FER: variants seen among roughly 807,000 people sequenced by gnomAD.
FER encodes FER tyrosine kinase.
In FER, 63 loss-of-function variants were observed where a neutral mutation model predicts 111.0. The ratio of observed to expected loss-of-function variants is 0.57; its 90% CI spans 0.46 to 0.70. The LOEUF (loss-of-function observed/expected upper bound fraction) is 0.70, where lower values mean the gene tolerates loss of function less well. Among genes scored for constraint, FER ranks in the 30% least tolerant of loss-of-function variants. The pLI is 0.00. For synonymous variants in FER, 327 were observed against 313.9 expected (o/e 1.04, Z -0.44); for missense variants, 914 against 954.0 (o/e 0.96, Z 0.55).
chr5:109,129,630 A>G (rs1752137542), intron 17 of FER, among the ~76,000 whole-genome samples: 1 of 152,082 alleles, frequency 6.6e-6, no homozygotes, highest in African/African-American at 2.4e-5. Flanking sequence ...TACAAAACAA[A>G]ATAAAACAAA....
chr5:108,893,002 G>T (rs1359322704), intron 9 of FER, among the ~76,000 whole-genome samples: 1 of 152,050 alleles, frequency 6.6e-6, no homozygotes, highest in African/African-American at 2.4e-5. Flanking sequence ...ATTTCTGAGG[G>T]CTCTGTTCTG....
intron 14 of FER, among the ~76,000 whole-genome samples, chr5:109,043,843 C>T (rs888248770): frequency 1.3e-5 from 2 of 151,720 alleles, no homozygotes; most frequent in East Asian, 2.0e-4. Flanking sequence ...TGGTGGTGTG[C>T]GCCTGTAGTC....
chr5:109,124,612 T>TTGG (rs1048165343), intron 17 of FER, among the ~76,000 whole-genome samples: 8 of 152,156 alleles, frequency 5.3e-5, no homozygotes, highest in African/African-American at 1.9e-4. Context: ...GTTGTTGTTG[T>TTGG]TGTTGTTGTT....
chr5:109,023,905 G>T (rs1486171951), intron 13 of FER, among the ~76,000 whole-genome samples: 1 of 152,090 alleles, frequency 6.6e-6, no homozygotes, highest in Non-Finnish European at 1.5e-5. Flanking sequence ...AGATTTGAGG[G>T]TTCTTGAGTA....
chr5:109,110,834 A>G (rs1749526238), intron 17 of FER, among the ~76,000 whole-genome samples: 1 of 152,068 alleles, frequency 6.6e-6, no homozygotes, highest in South Asian at 2.1e-4. Context: ...TCAAACTGTA[A>G]TGAGCCAAAT....
intron 13 of FER, among the ~76,000 whole-genome samples, chr5:109,026,816 T>A (rs1768807767): frequency 6.6e-6 from 1 of 152,094 alleles, no homozygotes; most frequent in Non-Finnish European, 1.5e-5. Context: ...GTAGCTGGGA[T>A]TACAGGCGCC....
At chr5:108,896,001 AG>A (rs1187222759) in intron 9 of FER, among the ~76,000 whole-genome samples, 4 of 151,962 alleles carry the variant, frequency 2.6e-5, no homozygotes, top group Non-Finnish European at 5.9e-5. Context: ...ACTACTTTAG[AG>A]TATTATTATT....
chr5:108,813,212 T>C (rs750136688), intron 3 of FER, among the ~76,000 whole-genome samples: 2 of 152,180 alleles, frequency 1.3e-5, no homozygotes, highest in Non-Finnish European at 2.9e-5. Flanking sequence ...GCAATTTCTT[T>C]ACATATTTTA....
chr5:109,062,260 C>T (rs1005522917), intron 16 of FER, among the ~76,000 whole-genome samples: 4 of 152,258 alleles, frequency 2.6e-5, no homozygotes, highest in Admixed American at 6.5e-5. Context: ...TAGTGGCTCA[C>T]GCCTGTAATC....
intron 17 of FER, among the ~76,000 whole-genome samples, chr5:109,178,450 A>G (rs975936999): frequency 6.6e-6 from 1 of 152,222 alleles, no homozygotes; most frequent in African/African-American, 2.4e-5. Flanking sequence ...TAAAACATAG[A>G]TATTACTCTG....
intron 16 of FER, among the ~76,000 whole-genome samples, chr5:109,084,131 C>T (rs1431442410): frequency 6.6e-6 from 1 of 152,032 alleles, no homozygotes; most frequent in Non-Finnish European, 1.5e-5. Context: ...CTCTCTCATA[C>T]ACCTTCCTGG....
chr5:108,830,924 G>C (rs1188626375), intron 3 of FER: 1 of 152,318 alleles, frequency 6.6e-6, no homozygotes, highest in Admixed American at 6.5e-5. Flanking sequence ...ATTATAGAGC[G>C]AGAGTTCTTG....
chr5:109,067,715 G>C (rs181731778), intron 16 of FER, among the ~76,000 whole-genome samples: 4 of 151,882 alleles, frequency 2.6e-5, no homozygotes, highest in African/African-American at 9.7e-5. Flanking sequence ...CTTTCTTGTA[G>C]ATATATATTT....
chr5:109,171,089 TTAG>T (rs1237717648), intron 17 of FER, among the ~76,000 whole-genome samples: 3 of 152,210 alleles, frequency 2.0e-5, no homozygotes, highest in African/African-American at 7.2e-5. Flanking sequence ...ACTGTTGTGA[TTAG>T]TAGAGTGTAA....
intron 16 of FER, among the ~76,000 whole-genome samples, chr5:109,056,836 C>CA (rs1318930050): frequency 2.0e-5 from 3 of 152,092 alleles, no homozygotes; most frequent in African/African-American, 7.2e-5. Context: ...TTAATATACA[C>CA]AATAATAGTT....
At chr5:108,822,768 T>A (rs13183581) in intron 3 of FER, among the ~76,000 whole-genome samples, 4 of 123,478 alleles carry the variant, frequency 3.2e-5, no homozygotes, top group Non-Finnish European at 7.2e-5. Flanking sequence ...ATTTTATTTA[T>A]TTTATTTTAT....
intron 2 of FER, among the ~76,000 whole-genome samples, chr5:108,784,848 G>A (rs191831795): frequency 5.3e-5 from 8 of 152,246 alleles, no homozygotes; most frequent in Admixed American, 1.3e-4. Flanking sequence ...TGGTTTTCTC[G>A]CCCTGGGTGG....
intron 13 of FER, among the ~76,000 whole-genome samples, chr5:109,005,104 A>G (rs373712631): frequency 6.6e-6 from 1 of 152,152 alleles, no homozygotes; most frequent in Non-Finnish European, 1.5e-5. Context: ...AGTGTGTGCC[A>G]GAACTTTGCA....
intron 2 of FER, among the ~76,000 whole-genome samples, chr5:108,778,723 A>T (rs552176560): frequency 6.6e-6 from 1 of 152,292 alleles, no homozygotes; most frequent in Non-Finnish European, 1.5e-5. Flanking sequence ...GTCCTTTTTC[A>T]GAAATATCTG....
Sources: allele counts gnomAD v4.1 joint callset (sites outside exome capture counted in the v4.1 genomes callset), GRCh38; gene constraint gnomAD v4.1.1; transcripts MANE v1.5; gene names NCBI Gene and HGNC (gene_info 2026-07-23, HGNC 2026-07-21).